ASPHD2: variants seen among roughly 807,000 people sequenced by gnomAD.
The protein encoded by ASPHD2 is aspartate beta-hydroxylase domain-containing protein 2.
ASPHD2 carries 12 observed loss-of-function variants against 34.6 expected under a neutral mutation model. That is an observed-to-expected ratio of 0.35 (90% CI 0.22 to 0.56). The LOEUF (loss-of-function observed/expected upper bound fraction) is 0.56. ASPHD2 is among the 20% of genes least tolerant of loss of function. The probability of loss-of-function intolerance (pLI) is 0.87; values close to 1 mark genes in which losing one functional copy is unlikely to be tolerated. For missense variants in ASPHD2, 375 were observed against 505.0 expected (o/e 0.74, Z 2.47); for synonymous variants, 224 against 212.2 (o/e 1.06, Z -0.48).
intron 3 of ASPHD2, among the ~76,000 whole-genome samples, 168 bp from the exon 4 acceptor site, chr22:26,442,929 A>G (rs1489952174): frequency 1.3e-5 from 2 of 152,078 alleles, no homozygotes; most frequent in Non-Finnish European, 2.9e-5. Context: ...AAGCCCATGA[A>G]GCCAGGTTTA....
intron 1 of ASPHD2, among the ~76,000 whole-genome samples, chr22:26,430,152 A>G (rs1309533060): frequency 6.6e-6 from 1 of 152,170 alleles, no homozygotes; most frequent in Non-Finnish European, 1.5e-5. Context: ...TCCTGAGTGG[A>G]GAGGGTGACA....
At position 26,433,997 on chromosome 22, in the gene ASPHD2, C is replaced by T. The variant is rs1248838191; in HGVS notation, c.382C>T (p.His128Tyr). ...CGAGGGCCTCAACCAGAAGCTGTACCACAACCTGCAGGAGTACGCCAAGCG... is the reference window on the plus strand; with the variant it reads ...CGAGGGCCTCAACCAGAAGCTGTACTACAACCTGCAGGAGTACGCCAAGCG... ...HNEGLNQKLYHNLQEYAKRYS... is the reference protein window; with the variant it reads ...HNEGLNQKLYYNLQEYAKRYS... Residue 128 changes from histidine to tyrosine, a missense_variant, in exon 2 of 4, where the codon CAC (histidine) becomes TAC (tyrosine). Coordinates refer to ENST00000215906, the MANE Select transcript of ASPHD2 (RefSeq NM_020437.5). This position sits in a 1 kb window ranked among gnomAD's most constrained non-coding sequence, Gnocchi z 5.1. 1 of 1,613,508 alleles carries T rather than the reference C, an allele frequency of 6.2e-7. No homozygotes were observed. The highest frequency in any genetic ancestry group is 1.7e-5 in the Admixed American group (1 of 60,014).
chr22:26,441,952 T>C (rs1034005685), intron 2 of ASPHD2, among the ~76,000 whole-genome samples: 2 of 145,814 alleles, frequency 1.4e-5, no homozygotes, highest in African/African-American at 5.1e-5. Flanking sequence ...ATTAGCCGGG[T>C]GAGGTGGTGG....
chr22:26,443,002 C>T (rs1005548375), intron 3 of ASPHD2, 95 bp from the exon 4 acceptor site: 24 of 882,468 alleles, frequency 2.7e-5, no homozygotes, highest in South Asian at 4.1e-5. Flanking sequence ...GTCCCTGCCC[C>T]GAAGCTGAGC....
intron 2 of ASPHD2, among the ~76,000 whole-genome samples, chr22:26,435,378 G>A (rs946183108): frequency 4.0e-5 from 6 of 148,662 alleles, no homozygotes; most frequent in African/African-American, 7.2e-5. Flanking sequence ...GGTGAGTGGC[G>A]ATAAAAAGCT....
At chr22:26,440,384 T>C (rs1601704680) in intron 2 of ASPHD2, among the ~76,000 whole-genome samples, 1 of 152,042 alleles carries the variant, frequency 6.6e-6, no homozygotes, top group East Asian at 1.9e-4. Flanking sequence ...CAGGCTGGAG[T>C]GCGGTGATGC....
chr22:26,440,332 T>G (rs758947654), intron 2 of ASPHD2, among the ~76,000 whole-genome samples: 13 of 152,114 alleles, frequency 8.5e-5, no homozygotes, highest in Non-Finnish European at 1.8e-4. Context: ...AGACAGAGTC[T>G]CACTCTGTTG....
At position 26,433,199 on chromosome 22, in the gene ASPHD2, A is replaced by G. The variant is rs764499714; in HGVS notation, c.-224-193A>G. On this transcript the variant is annotated intron_variant, in intron 1 of 3. Transcript: ENST00000215906. The surrounding 1 kb of genome is among the most constrained non-coding windows in gnomAD (Gnocchi z 5.1). Reference sequence around the variant, plus strand: ...AGATGGGACCACTGTAATTATAAGCAGTACCTGATGCAGATGAAATACTAC... The same window carrying G: ...AGATGGGACCACTGTAATTATAAGCGGTACCTGATGCAGATGAAATACTAC... 6.6e-6 allele frequency among the ~76,000 whole-genome samples: 1 copy of G among 152,186 alleles called. No individual in the cohort carries two copies. Among genetic ancestry groups the G allele is most frequent in the African/African-American group, 2.4e-5 (1 of 41,448 alleles).
intron 3 of ASPHD2, among the ~76,000 whole-genome samples, 188 bp downstream of exon 3, chr22:26,442,760 G>T (rs1333379781): frequency 6.6e-6 from 1 of 152,086 alleles, no homozygotes; most frequent in Non-Finnish European, 1.5e-5. Flanking sequence ...TGACATTAAG[G>T]TTCACTCTTG....
chr22:26,437,992 G>A (rs2084802771), intron 2 of ASPHD2, among the ~76,000 whole-genome samples: 2 of 152,192 alleles, frequency 1.3e-5, no homozygotes, highest in Non-Finnish European at 2.9e-5. Flanking sequence ...CAACAGGCAG[G>A]AATGGGGGCA....
chr22:26,438,547 A>C, intron 2 of ASPHD2, among the ~76,000 whole-genome samples: 1 of 141,526 alleles, frequency 7.1e-6, no homozygotes, highest in African/African-American at 2.6e-5. Flanking sequence ...ACACATACAT[A>C]TATACACATA....
chr22:26,438,678 TAC>T (rs368493487), intron 2 of ASPHD2, among the ~76,000 whole-genome samples: 23,736 of 129,146 alleles, frequency 0.18, 3,349 homozygotes, highest in African/African-American at 0.25. Flanking sequence ...CATACATACA[TAC>T]ACACACACAC....
intron 2 of ASPHD2, among the ~76,000 whole-genome samples, chr22:26,436,386 T>C (rs574825501): frequency 5.9e-5 from 9 of 152,216 alleles, no homozygotes; most frequent in Non-Finnish European, 1.3e-4. Context: ...GCAAAACTGC[T>C]GTGCGAGGCC....
At chr22:26,442,427 C>T in intron 2 of ASPHD2, 32 bp from the exon 3 acceptor site, 2 of 1,504,854 alleles carry the variant, frequency 1.3e-6, no homozygotes, top group South Asian at 1.2e-5. Flanking sequence ...TCTTGCCTGC[C>T]TTCACTCTCC....
chr22:26,433,038 A>G lies in ASPHD2; in HGVS notation c.-224-354A>G, dbSNP rs1009699949. Among the ~76,000 whole-genome samples the G allele has an allele frequency of 2.0e-5, 3 of 152,228 alleles. No homozygotes were observed. Among genetic ancestry groups the G allele is most frequent in the Non-Finnish European group, 4.4e-5 (3 of 68,042 alleles). Reference sequence around the variant, plus strand: ...AAATAGCACAGCAAAATGGGTAGACATGGGCCTTGAAGTCAGATGGGGTTT... The same window carrying G: ...AAATAGCACAGCAAAATGGGTAGACGTGGGCCTTGAAGTCAGATGGGGTTT... On this transcript the variant is annotated intron_variant, in intron 1 of 3. Coordinates refer to ENST00000215906, the MANE Select transcript of ASPHD2 (RefSeq NM_020437.5). This position sits in a 1 kb window ranked among gnomAD's most constrained non-coding sequence, Gnocchi z 5.1.
intron 2 of ASPHD2, among the ~76,000 whole-genome samples, chr22:26,435,038 G>A (rs1057202793): frequency 3.9e-5 from 6 of 152,134 alleles, no homozygotes; most frequent in Non-Finnish European, 8.8e-5. Flanking sequence ...GTTTTACTCC[G>A]ATTCTGAGAA....
At position 26,443,657 on chromosome 22, in the gene ASPHD2, G is replaced by C. The variant is rs2084877513; in HGVS notation, c.*451G>C. On this transcript the variant is annotated 3_prime_UTR_variant, in exon 4 of 4. Transcript: ENST00000215906. Reference sequence around the variant, plus strand: ...AAAAAACTAAAAACTGCAAACCAGAGAGCTAGAGAACTTGGCCTCTGATGC... The same window carrying C: ...AAAAAACTAAAAACTGCAAACCAGACAGCTAGAGAACTTGGCCTCTGATGC... 1 of 151,496 alleles carries C rather than the reference G, an allele frequency of 6.6e-6. No individual in the cohort carries two copies. The highest frequency in any genetic ancestry group is 2.4e-5 in the African/African-American group (1 of 41,020). The allele number at this position is 151,496 out of a possible 1,614,324, so 9.4% of individuals were successfully genotyped here.
At position 26,444,521 on chromosome 22, in the gene ASPHD2, T is replaced by C. The variant is rs947362123; in HGVS notation, c.*1315T>C. 4.6e-5 allele frequency: 7 copies of C among 152,208 alleles called. No homozygotes were observed. Among genetic ancestry groups the C allele is most frequent in the African/African-American group, 1.7e-4 (7 of 41,450 alleles). 9.4% of individuals were successfully genotyped at this position (152,208 alleles called of 1,614,324 possible). On this transcript the variant is annotated 3_prime_UTR_variant, in exon 4 of 4. Coordinates refer to ENST00000215906, the MANE Select transcript of ASPHD2 (RefSeq NM_020437.5). ...CACTCTAGAAATAGCCTGTGTTAGCTGATGTGTGAAAGCGTAGCCGGCCAG... is the reference window on the plus strand; with the variant it reads ...CACTCTAGAAATAGCCTGTGTTAGCCGATGTGTGAAAGCGTAGCCGGCCAG...
intron 2 of ASPHD2, among the ~76,000 whole-genome samples, chr22:26,438,001 C>T (rs1046210048): frequency 2.6e-5 from 4 of 152,106 alleles, no homozygotes; most frequent in African/African-American, 9.7e-5. Context: ...GGAATGGGGG[C>T]AGGAGCAGAA....
Sources: gnomAD v4.1 joint callset for allele counts (sites outside exome capture counted in the v4.1 genomes callset) on GRCh38, gnomAD v4.1.1 for gene constraint, Gnocchi (gnomAD v3.1) non-coding constraint, MANE v1.5 for transcripts, NCBI Gene and HGNC (gene_info 2026-07-23, HGNC 2026-07-21) for gene names.